Variants in PIERCE2 observed in about 807,000 individuals in gnomAD.
PIERCE2 encodes the protein piercer of microtubule wall 2, also known as piercer of microtubule wall 2 protein.
At chr15:55,415,231 G>T in the PIERCE2 span, among the ~76,000 whole-genome samples, 7 of 152,110 alleles carry the variant, frequency 4.6e-5, no homozygotes, top group Non-Finnish European at 1.0e-4. Flanking sequence ...ACTTTGGGAG[G>T]CCGAGGCAGG....
At chr15:55,413,666 A>G in the PIERCE2 span, among the ~76,000 whole-genome samples, 63,667 of 148,264 alleles carry the variant, frequency 0.43, 14,656 homozygotes, top group East Asian at 0.75. Flanking sequence ...AGGCTGAGGC[A>G]GGAGAATCGC....
chr15:55,414,042 C>T, the PIERCE2 span, among the ~76,000 whole-genome samples: 718 of 147,458 alleles, frequency 4.9e-3, 9 homozygotes, highest in African/African-American at 0.017. Flanking sequence ...GGACTACAGG[C>T]GCCCGCCACC....
chr15:55,417,577 T>C, the PIERCE2 span: 1 of 152,264 alleles, frequency 6.6e-6, no homozygotes, highest in Non-Finnish European at 1.5e-5. Context: ...CTCTTCTAAC[T>C]ATGACTTTTA....
At chr15:55,408,739 T>C in the PIERCE2 span, 1 of 1,522,374 alleles carries the variant, frequency 6.6e-7, no homozygotes, top group South Asian at 1.2e-5. Context: ...AAACTGACTT[T>C]GCCGAAAAAA....
the PIERCE2 span, among the ~76,000 whole-genome samples, chr15:55,412,968 A>G: frequency 6.6e-6 from 1 of 152,182 alleles, no homozygotes; most frequent in Admixed American, 6.6e-5. Flanking sequence ...CATCCCTACA[A>G]AAAAATTATA....
At chr15:55,409,666 A>G in the PIERCE2 span, among the ~76,000 whole-genome samples, 1 of 152,338 alleles carries the variant, frequency 6.6e-6, no homozygotes, top group African/African-American at 2.4e-5. Context: ...TCTTAATTTT[A>G]TAATTACAGC....
At chr15:55,416,357 C>T in the PIERCE2 span, among the ~76,000 whole-genome samples, 1 of 152,064 alleles carries the variant, frequency 6.6e-6, no homozygotes, top group Non-Finnish European at 1.5e-5. Flanking sequence ...ACCTTGGCCT[C>T]CCAAAGTGCT....
the PIERCE2 span, among the ~76,000 whole-genome samples, chr15:55,416,342 C>G: frequency 6.6e-6 from 1 of 152,054 alleles, no homozygotes; most frequent in African/African-American, 2.4e-5. Context: ...CCTCGTGATC[C>G]GCCCACCTTG....
chr15:55,412,411 C>A, the PIERCE2 span, among the ~76,000 whole-genome samples: 1 of 152,184 alleles, frequency 6.6e-6, no homozygotes, highest in Non-Finnish European at 1.5e-5. Context: ...TTAATAAATT[C>A]TGTGGAGTTG....
chr15:55,417,822 C>G, the PIERCE2 span: 2 of 248,614 alleles, frequency 8.0e-6, no homozygotes, highest in African/African-American at 2.3e-5. Flanking sequence ...AGACAGTCAG[C>G]GAAGGGAGAT....
At chr15:55,414,655 G>C in the PIERCE2 span, among the ~76,000 whole-genome samples, 5 of 150,456 alleles carry the variant, frequency 3.3e-5, no homozygotes, top group African/African-American at 1.2e-4. Context: ...GAGGCGGGTG[G>C]ATCACCTCAG....
the PIERCE2 span, chr15:55,417,789 G>A: frequency 0.026 from 5,496 of 214,002 alleles, 96 homozygotes; most frequent in Non-Finnish European, 0.037. Context: ...AATCACCTGG[G>A]TGGAGGCGGG....
chr15:55,414,566 A>G, the PIERCE2 span, among the ~76,000 whole-genome samples: 1 of 152,236 alleles, frequency 6.6e-6, no homozygotes, highest in African/African-American at 2.4e-5. Context: ...AAAGTTAGTA[A>G]GTGAAGTCAT....
chr15:55,415,503 G>T, the PIERCE2 span, among the ~76,000 whole-genome samples: 3 of 151,426 alleles, frequency 2.0e-5, no homozygotes, highest in African/African-American at 7.3e-5. Context: ...GCTTTATTCG[G>T]CCATTCGGCA....
the PIERCE2 span, among the ~76,000 whole-genome samples, chr15:55,416,351 T>C: frequency 6.6e-6 from 1 of 152,086 alleles, no homozygotes. Context: ...CCGCCCACCT[T>C]GGCCTCCCAA....
At chr15:55,411,139 C>G in the PIERCE2 span, 1 of 152,094 alleles carries the variant, frequency 6.6e-6, no homozygotes, top group African/African-American at 2.4e-5. Flanking sequence ...TCTGGAAGAT[C>G]ATACATTGAG....
At chr15:55,410,583 A>C in the PIERCE2 span, 1 of 152,462 alleles carries the variant, frequency 6.6e-6, no homozygotes, top group African/African-American at 2.4e-5. Flanking sequence ...CGGGAGGCGG[A>C]GGTTGCAGTG....
the PIERCE2 span, among the ~76,000 whole-genome samples, chr15:55,409,491 A>G: frequency 6.6e-6 from 1 of 152,220 alleles, no homozygotes; most frequent in African/African-American, 2.4e-5. Context: ...TAATTGTGGT[A>G]AAAGTAAATA....
the PIERCE2 span, chr15:55,418,377 T>C: frequency 4.6e-6 from 7 of 1,536,310 alleles, no homozygotes; most frequent in South Asian, 6.0e-5. Context: ...CAAATGATTA[T>C]GTATAAAACC....
Sources: gnomAD v4.1 joint callset for allele counts (sites outside exome capture counted in the v4.1 genomes callset) on GRCh38, gnomAD v4.1.1 for gene constraint, MANE v1.5 for transcripts, NCBI Gene and HGNC (gene_info 2026-07-23, HGNC 2026-07-21) for gene names.